The following LYSMD4 variants were observed in gnomAD, a reference collection of about 807,000 sequenced individuals.
LYSMD4 encodes the protein lysM and putative peptidoglycan-binding domain-containing protein 4.
A neutral mutation model predicts 6.1 loss-of-function variants in LYSMD4; 9 were observed. The observed-to-expected ratio is 1.47, with a 90% CI of 0.88 to 2.56. The LOEUF (loss-of-function observed/expected upper bound fraction) is 2.56, where lower values mean the gene tolerates loss of function less well. Among genes scored for constraint, LYSMD4 ranks in the 30% most tolerant of loss-of-function variants. The pLI is 0.00. For synonymous variants in LYSMD4, 143 were observed against 148.5 expected (o/e 0.96, Z 0.27); for missense variants, 384 against 373.5 (o/e 1.03, Z -0.23).
chr15:99,728,727 A>G lies in LYSMD4; in HGVS notation c.*396T>C, dbSNP rs2059329393. Reference sequence around the variant, plus strand: ...TCCCCGCTCCACAGGAAGTGAGGATACAGCAAGAGCCAGGCAAGCCGCGCA... The same window carrying G: ...TCCCCGCTCCACAGGAAGTGAGGATGCAGCAAGAGCCAGGCAAGCCGCGCA... On this transcript the variant is annotated 3_prime_UTR_variant, in exon 3 of 3. Coordinates refer to ENST00000684762, the MANE Select transcript of LYSMD4 (RefSeq NM_001284417.2). 1 of 227,336 alleles carries G rather than the reference A, an allele frequency of 4.4e-6. No homozygotes were observed. The highest frequency in any genetic ancestry group is 2.2e-5 in the African/African-American group (1 of 45,462). The allele number at this position is 227,336 out of a possible 1,614,324, so 14.1% of individuals were successfully genotyped here. A position where few individuals can be genotyped will look rare whatever the true frequency, so the allele number is the denominator to read the frequency against.
chr15:99,732,635 TTA>T (rs1298866042), intron 1 of LYSMD4, among the ~76,000 whole-genome samples: 3 of 151,990 alleles, frequency 2.0e-5, no homozygotes, highest in Admixed American at 2.0e-4. Context: ...TGTCTGGTTT[TTA>T]TTTTCCCCTT....
At chr15:99,724,832 T>C (rs1597380225), downstream of LYSMD4, among the ~76,000 whole-genome samples, 1 of 152,232 alleles carries the variant, frequency 6.6e-6, no homozygotes, top group Non-Finnish European at 1.5e-5. Context: ...TGTGCAAGTT[T>C]TGAGCAGGCA....
At chr15:99,716,801 G>A (rs1193052657) in exon 1 of LYSMD4, 1 of 400,474 alleles carries the variant, frequency 2.5e-6, no homozygotes, top group South Asian at 1.7e-5. Context: ...AATCCATTCG[G>A]CCTCCAGTAA....
chr15:99,731,218 A>C (rs2059400820), intron 2 of LYSMD4: 2 of 1,612,174 alleles, frequency 1.2e-6, no homozygotes, highest in South Asian at 2.2e-5. Flanking sequence ...TAATTAGAGA[A>C]AAACAGGGTT....
At chr15:99,724,245 T>A (rs745411738), downstream of LYSMD4, among the ~76,000 whole-genome samples, 3 of 144,416 alleles carry the variant, frequency 2.1e-5, no homozygotes, top group Admixed American at 6.7e-5. Flanking sequence ...TACTCTGGCA[T>A]AGGTCTTTTT....
chr15:99,730,662 A>C (rs2059383354), intron 2 of LYSMD4, among the ~76,000 whole-genome samples: 1 of 152,258 alleles, frequency 6.6e-6, no homozygotes, highest in Non-Finnish European at 1.5e-5. Context: ...CCTGAATCTA[A>C]TGCATGAGAC....
At position 99,733,391 on chromosome 15, in the gene LYSMD4, C is replaced by T. The variant is rs546106051; in HGVS notation, c.-55G>A. On this transcript the variant is annotated 5_prime_UTR_variant, in exon 1 of 3. Coordinates refer to ENST00000684762, the MANE Select transcript of LYSMD4 (RefSeq NM_001284417.2). ...CGACCGGCGACCGGCGACTCGCGACCCGCGACCCGCGACCCGCAGCTGCCA... is the reference window on the plus strand; with the variant it reads ...CGACCGGCGACCGGCGACTCGCGACTCGCGACCCGCGACCCGCAGCTGCCA... 5.6e-3 allele frequency: 2,207 copies of T among 394,482 alleles called. 43 individuals are homozygous for T. Among genetic ancestry groups the T allele is most frequent in the African/African-American group, 0.04 (1,925 of 48,424 alleles). The allele number at this position is 394,482 out of a possible 1,614,324, so 24.4% of individuals were successfully genotyped here.
chr15:99,729,652 C>G lies in LYSMD4; in HGVS notation c.362G>C (p.Arg121Thr). 6.2e-7 allele frequency: 1 copy of G among 1,614,048 alleles called. No individual in the cohort carries two copies. Among genetic ancestry groups the G allele is most frequent in the Admixed American group, 1.7e-5 (1 of 60,024 alleles). The change falls in exon 3 of 3, where the codon AGA becomes ACA. Residue 121 changes from arginine (R) to threonine (T), a missense_variant. Arg to Thr is a moderately conservative substitution (Grantham distance 71, BLOSUM62 -1). Transcript: ENST00000684762. ...GGTCTCCATCAGGATCCCATGGTTT[C>G]TCACTGGAATCTTAACAGATTTCAA... ...YALKSVKIPVRNHGILMETHK... is the reference protein window; with the variant it reads ...YALKSVKIPVTNHGILMETHK...
At chr15:99,726,323 TAGTAG>T (rs1247263502), downstream of LYSMD4, among the ~76,000 whole-genome samples, 1 of 151,948 alleles carries the variant, frequency 6.6e-6, no homozygotes, top group East Asian at 1.9e-4. Flanking sequence ...TTTGTATTTT[TAGTAG>T]AGAGGGGATT....
intron 1 of LYSMD4, among the ~76,000 whole-genome samples, chr15:99,732,406 A>G (rs557384989): frequency 6.6e-6 from 1 of 152,364 alleles, no homozygotes; most frequent in South Asian, 2.1e-4. Flanking sequence ...AGCTTTGCAC[A>G]ATAATTTTGT....
exon 1 of LYSMD4, chr15:99,716,630 C>T (rs766150065): frequency 8.8e-6 from 4 of 456,630 alleles, no homozygotes. Context: ...TGGGTTGAGA[C>T]AGGGTCAAGG....
chr15:99,723,142 TA>T, downstream of LYSMD4, among the ~76,000 whole-genome samples: 1 of 150,538 alleles, frequency 6.6e-6, no homozygotes, highest in East Asian at 2.0e-4. Context: ...CAGGAGACAA[TA>T]AAAAAATGAA....
chr15:99,721,950 G>A (rs952094028), upstream of LYSMD4, among the ~76,000 whole-genome samples: 6 of 152,110 alleles, frequency 3.9e-5, no homozygotes, highest in African/African-American at 1.2e-4. Context: ...AGGAGATGGA[G>A]TTTGGAGTTC....
At position 99,729,061 on chromosome 15, in the gene LYSMD4, T is replaced by C. The variant is rs1354816100; in HGVS notation, c.*62A>G. On this transcript the variant is annotated 3_prime_UTR_variant, in exon 3 of 3. Transcript: ENST00000684762. The stretch of plus-strand genomic sequence containing the variant: ...TGCAGCACCCCTAGGACATCGCCAG[T>C]GACAGCTGAGGCACATCAACAGCCA... 7 of 1,589,744 alleles carry C rather than the reference T, an allele frequency of 4.4e-6. No individual in the cohort carries two copies. The highest frequency in any genetic ancestry group is 6.0e-6 in the Non-Finnish European group (7 of 1,165,352).
Position 99,731,789 on chromosome 15 carries a change from C to A in LYSMD4, c.211G>T (p.Val71Leu). ...HQPPQAGAGD[V>L]VLLQRELAQE... Reference sequence around the variant, plus strand: ...GCCAGCTCCCGCTGCAGCAGCACCACGTCACCTGCTCCCGCCTGGGGAGGC... The same window carrying A: ...GCCAGCTCCCGCTGCAGCAGCACCAAGTCACCTGCTCCCGCCTGGGGAGGC... The change falls in exon 2 of 3, where the codon GTG becomes TTG. Residue 71 changes from valine (V) to leucine (L), a missense_variant. By Grantham distance (32) the Val-to-Leu change is conservative. Coordinates refer to ENST00000684762, the MANE Select transcript of LYSMD4 (RefSeq NM_001284417.2). 1 of 1,611,948 alleles carries A rather than the reference C, an allele frequency of 6.2e-7. No individual in the cohort carries two copies. Among genetic ancestry groups the A allele is most frequent in the Non-Finnish European group, 8.5e-7 (1 of 1,179,808 alleles).
In LYSMD4 at chr15:99,733,384, T is replaced by TCGCGACCGGCGACC. The variant is rs2059474092; in HGVS notation, c.-49_-48insGGTCGCCGGTCGCG. On this transcript the variant is annotated 5_prime_UTR_variant, in exon 1 of 3. Coordinates refer to ENST00000684762, the MANE Select transcript of LYSMD4 (RefSeq NM_001284417.2). ...TCCGCCGCGACCGGCGACCGGCGAC[T>TCGCGACCGGCGACC]CGCGACCCGCGACCCGCGACCCGCA... 1 of 395,238 alleles carries TCGCGACCGGCGACC rather than the reference T, an allele frequency of 2.5e-6. No homozygotes were observed. Among genetic ancestry groups the TCGCGACCGGCGACC allele is most frequent in the African/African-American group, 2.1e-5 (1 of 48,294 alleles). 24.5% of individuals were successfully genotyped at this position (395,238 alleles called of 1,614,324 possible).
downstream of LYSMD4, among the ~76,000 whole-genome samples, chr15:99,726,810 A>T (rs1020440479): frequency 5.9e-5 from 9 of 152,212 alleles, no homozygotes; most frequent in African/African-American, 2.2e-4. Flanking sequence ...AAACATAGCA[A>T]AATGTGGAAT....
At position 99,729,203 on chromosome 15, in the gene LYSMD4, C is replaced by T. The variant is rs1320430786; in HGVS notation, c.811G>A (p.Ala271Thr). 2.5e-6 allele frequency: 4 copies of T among 1,614,122 alleles called. No individual in the cohort carries two copies. Among genetic ancestry groups the T allele is most frequent in the African/African-American group, 1.3e-5 (1 of 74,944 alleles). The change falls in exon 3 of 3, where the codon GCC (alanine) becomes ACC (threonine). Residue 271 changes from alanine (A) to threonine (T), a missense_variant. Coordinates refer to ENST00000684762, the MANE Select transcript of LYSMD4 (RefSeq NM_001284417.2). ...GGCACTGCAACTGCTAGTCTGGGGG[C>T]TTGCCCTGGAACTGTACCCATTGCC... Reference protein sequence around the residue: ...SMAMGTVPGQAPRLAVAVPAV... With the variant: ...SMAMGTVPGQTPRLAVAVPAV...
chr15:99,725,656 C>A (rs949129606), downstream of LYSMD4, among the ~76,000 whole-genome samples: 2 of 152,098 alleles, frequency 1.3e-5, no homozygotes, highest in Admixed American at 6.5e-5. Context: ...TACTGCGATT[C>A]AGGCAATGGA....
Sources: allele counts gnomAD v4.1 joint callset (sites outside exome capture counted in the v4.1 genomes callset), GRCh38; gene constraint gnomAD v4.1.1; transcripts MANE v1.5; gene names NCBI Gene and HGNC (gene_info 2026-07-23, HGNC 2026-07-21).